YWHAZ: variants seen among roughly 807,000 people sequenced by gnomAD.
YWHAZ encodes the protein 14-3-3 protein zeta/delta.
For synonymous variants in YWHAZ, 87 were observed against 103.6 expected, an observed-to-expected ratio of 0.84 and a Z score of 0.97; for missense variants, 79 against 284.8, an observed-to-expected ratio of 0.28 and a Z score of 5.20.
In YWHAZ at chr8:100,948,689, T is replaced by C; in HGVS notation, c.201A>G (p.Gln67=). 1 of 1,604,320 alleles carries C rather than the reference T, an allele frequency of 6.2e-7. No individual in the cohort carries two copies. The highest frequency in any genetic ancestry group is 1.1e-5 in the South Asian group (1 of 90,996). The change falls in exon 2 of 6, where the codon CAA becomes CAG. Residue 67 remains glutamine (Q), a synonymous_variant. Transcript: ENST00000395958. This position sits in a 1 kb window ranked among gnomAD's most constrained non-coding sequence, Gnocchi z 4.2. The part of the protein sequence containing the change: ...SSWRVVSSIE[Q]KTEGAEKKQQ... ...GTTTTTTCTCAGCACCTTCCGTCTTTTGTTCAATACTTGAGACGACCCTCC... is the reference window on the plus strand; with the variant it reads ...GTTTTTTCTCAGCACCTTCCGTCTTCTGTTCAATACTTGAGACGACCCTCC...
At chr8:100,936,626 C>A (rs1814166596) in intron 2 of YWHAZ, among the ~76,000 whole-genome samples, 1 of 152,126 alleles carries the variant, frequency 6.6e-6, no homozygotes. Flanking sequence ...CATGGTGAAA[C>A]CCCACCTCTA....
rs570983777 is a variant in YWHAZ, at chr8:100,919,744, G to A, written c.*949C>T. 11 of 152,330 alleles carry A rather than the reference G, an allele frequency of 7.2e-5. No individual in the cohort carries two copies. Among genetic ancestry groups the A allele is most frequent in the East Asian group, 3.9e-4 (2 of 5,182 alleles). The allele number at this position is 152,330 out of a possible 1,614,324, so 9.4% of individuals were successfully genotyped here. ...TTCCACTTACATGAATTTAATACAC[G>A]TGTTCTTAACAATTATGCTTGGATT... On this transcript the variant is annotated 3_prime_UTR_variant, in exon 6 of 6. Coordinates refer to ENST00000395958, the MANE Select transcript of YWHAZ (RefSeq NM_145690.3).
chr8:100,928,751 A>G (rs1048782483), intron 2 of YWHAZ, among the ~76,000 whole-genome samples: 14 of 152,216 alleles, frequency 9.2e-5, no homozygotes, highest in African/African-American at 3.4e-4. Flanking sequence ...AAAAAAAAAA[A>G]AGGAACATAT....
intron 2 of YWHAZ, among the ~76,000 whole-genome samples, chr8:100,945,910 C>T (rs1810231784): frequency 6.6e-6 from 1 of 151,950 alleles, no homozygotes; most frequent in South Asian, 2.1e-4. Flanking sequence ...ATCTATTACA[C>T]GTTGAGTATG....
chr8:100,945,809 A>C (rs1357745647), intron 2 of YWHAZ, among the ~76,000 whole-genome samples: 2 of 152,128 alleles, frequency 1.3e-5, no homozygotes, highest in Non-Finnish European at 2.9e-5. Flanking sequence ...GCAGAAAAAG[A>C]AAAAGCTAGG....
At chr8:100,940,520 T>C (rs1000763069) in intron 2 of YWHAZ, among the ~76,000 whole-genome samples, 26 of 152,246 alleles carry the variant, frequency 1.7e-4, no homozygotes, top group African/African-American at 5.8e-4. Flanking sequence ...ACATTTATTT[T>C]TGTAATAGCC....
chr8:100,941,059 T>A (rs1163698716), intron 2 of YWHAZ, among the ~76,000 whole-genome samples: 1 of 152,226 alleles, frequency 6.6e-6, no homozygotes, highest in Admixed American at 6.5e-5. Context: ...TTGCTTGAGT[T>A]GTCTTATTTC....
chr8:100,951,408 G>A (rs1810764343), intron 1 of YWHAZ: 4 of 981,476 alleles, frequency 4.1e-6, no homozygotes, highest in South Asian at 4.7e-5. Flanking sequence ...GCGCGAGGGG[G>A]AGGGAAAGGA....
chr8:100,937,918 G>A (rs1192290120), intron 2 of YWHAZ, among the ~76,000 whole-genome samples: 2 of 152,198 alleles, frequency 1.3e-5, no homozygotes, highest in African/African-American at 2.4e-5. Flanking sequence ...ATGACCTGAG[G>A]TCAGGAGTTC....
rs575629217 is a variant in YWHAZ, at chr8:100,917,125, C to A, written c.*3568G>T. The A allele has an allele frequency of 6.6e-6, 1 of 152,296 alleles. No homozygotes were observed. Among genetic ancestry groups the A allele is most frequent in the East Asian group, 1.9e-4 (1 of 5,182 alleles). The allele number at this position is 152,296 out of a possible 1,614,324, so 9.4% of individuals were successfully genotyped here. A position where few individuals can be genotyped will look rare whatever the true frequency, so the allele number is the denominator to read the frequency against. Reference sequence around the variant, plus strand: ...TCACTCTCCATTTGAAGCCTGACTACAAATAACCTAAGATAGCAGCTTCCA... The same window carrying A: ...TCACTCTCCATTTGAAGCCTGACTAAAAATAACCTAAGATAGCAGCTTCCA... On this transcript the variant is annotated 3_prime_UTR_variant, in exon 6 of 6. Transcript: ENST00000395958.
intron 1 of YWHAZ, chr8:100,951,639 C>A: frequency 4.1e-6 from 4 of 985,344 alleles, no homozygotes; most frequent in Non-Finnish European, 4.8e-6. Context: ...CCCCAGGGAT[C>A]TCGCGTGTGG....
At chr8:100,951,048 C>A in intron 1 of YWHAZ, 2 of 454,664 alleles carry the variant, frequency 4.4e-6, no homozygotes, top group South Asian at 9.2e-5. Flanking sequence ...GTCCACACCT[C>A]CCCCGCCCGT....
intron 2 of YWHAZ, among the ~76,000 whole-genome samples, chr8:100,947,203 G>A (rs1208818875): frequency 4.0e-5 from 6 of 148,232 alleles, no homozygotes; most frequent in South Asian, 2.1e-4. Flanking sequence ...GCAGTGAGCC[G>A]AGATCGCGCC....
Position 100,917,877 on chromosome 8 carries a change from A to C in YWHAZ, c.*2816T>G, listed in dbSNP as rs1048154373. 2.6e-5 allele frequency: 4 copies of C among 152,198 alleles called. No individual in the cohort carries two copies. Among genetic ancestry groups the C allele is most frequent in the Non-Finnish European group, 4.4e-5 (3 of 68,034 alleles). The allele number at this position is 152,198 out of a possible 1,614,324, so 9.4% of individuals were successfully genotyped here. On this transcript the variant is annotated 3_prime_UTR_variant, in exon 6 of 6. Coordinates refer to ENST00000395958, the MANE Select transcript of YWHAZ (RefSeq NM_145690.3). Reference sequence around the variant, plus strand: ...ACAAACACATTATTCAAATTCCAAAACAAAGAATCTCAGGTTGGAAATTTT... The same window carrying C: ...ACAAACACATTATTCAAATTCCAAACCAAAGAATCTCAGGTTGGAAATTTT...
intron 2 of YWHAZ, among the ~76,000 whole-genome samples, chr8:100,928,655 C>T (rs1484510310): frequency 1.3e-5 from 2 of 151,924 alleles, no homozygotes; most frequent in Non-Finnish European, 2.9e-5. Flanking sequence ...ATCACTTGAA[C>T]CCGGGAGGCA....
chr8:100,946,652 G>T (rs1257188497), intron 2 of YWHAZ, among the ~76,000 whole-genome samples: 1 of 151,970 alleles, frequency 6.6e-6, no homozygotes, highest in Non-Finnish European at 1.5e-5. Flanking sequence ...CTTTGTATAT[G>T]GAAAACATGC....
chr8:100,950,502 A>C, intron 1 of YWHAZ: 2 of 985,498 alleles, frequency 2.0e-6, no homozygotes, highest in Non-Finnish European at 2.4e-6. Flanking sequence ...ACCCCCCTCC[A>C]GGCTCCGCCC....
At chr8:100,926,242 A>G (rs1406431839) in intron 2 of YWHAZ, among the ~76,000 whole-genome samples, 1 of 150,200 alleles carries the variant, frequency 6.7e-6, no homozygotes, top group African/African-American at 2.5e-5. Context: ...CAGATAACCC[A>G]GATGAAGTGG....
intron 2 of YWHAZ, among the ~76,000 whole-genome samples, chr8:100,925,264 G>C (rs1025696056): frequency 1.3e-5 from 2 of 152,140 alleles, no homozygotes; most frequent in Non-Finnish European, 2.9e-5. Flanking sequence ...TATTATTTGA[G>C]GACAATAAAA....
Sources: gnomAD v4.1 joint callset for allele counts (sites outside exome capture counted in the v4.1 genomes callset) on GRCh38, gnomAD v4.1.1 for gene constraint, Gnocchi (gnomAD v3.1) non-coding constraint, MANE v1.5 for transcripts, NCBI Gene and HGNC (gene_info 2026-07-23, HGNC 2026-07-21) for gene names.